Variants in NAP1L5 observed in about 807,000 individuals in gnomAD.
NAP1L5 encodes the protein nucleosome assembly protein 1 like 5, also known as nucleosome assembly protein 1-like 5.
For synonymous variants in NAP1L5, 125 were observed against 103.6 expected, an observed-to-expected ratio of 1.21 and a Z score of -1.25; for missense variants, 249 against 246.4, an observed-to-expected ratio of 1.01 and a Z score of -0.07.
Position 88,697,216 on chromosome 4 carries a change from G to A in NAP1L5, c.539C>T (p.Ala180Val). The part of the protein sequence containing the change: ...DDAHAEMPDD[A>V]KK The stretch of plus-strand genomic sequence containing the variant: ...CCATCTCTGCCCCCCTTACTTCTTG[G>A]CGTCATCAGGCATCTCGGCGTGGGC... Residue 180 changes from alanine to valine, a missense_variant, in exon 1 of 1, where the codon GCC becomes GTC. Ala to Val is a moderately conservative substitution (Grantham distance 64). Transcript: ENST00000323061. 2 of 1,515,018 alleles carry A rather than the reference G, an allele frequency of 1.3e-6. No individual in the cohort carries two copies. Among genetic ancestry groups the A allele is most frequent in the Non-Finnish European group, 1.8e-6 (2 of 1,134,820 alleles). 93.8% of individuals were successfully genotyped at this position (1,515,018 alleles called of 1,614,324 possible).
chr4:88,697,250 G>A lies in NAP1L5; in HGVS notation c.505C>T (p.His169Tyr). 1 of 1,556,416 alleles carries A rather than the reference G, an allele frequency of 6.4e-7. No individual in the cohort carries two copies. Among genetic ancestry groups the A allele is most frequent in the Non-Finnish European group, 8.7e-7 (1 of 1,154,848 alleles). The stretch of plus-strand genomic sequence containing the variant: ...GGCATCTCGGCGTGGGCATCGTCAT[G>A]TTTGGCCCCCGCGGCAGCCTCTGCC... ...AAAEAAAGAK[H>Y]DDAHAEMPDD... Residue 169 changes from histidine (H) to tyrosine (Y), a missense_variant, in exon 1 of 1, where the codon CAT becomes TAT. His to Tyr is a moderately conservative substitution (Grantham distance 83, BLOSUM62 2). Transcript: ENST00000323061.
Position 88,697,148 on chromosome 4 carries a change from A to G in NAP1L5, c.*58T>C, listed in dbSNP as rs1734678964. ...TTTTTAAGTCCATCGATATTCTGGG[A>G]AAAACAAAACCAGGCTTTTTTCTTC... is the stretch of plus-strand genomic sequence containing the variant. On this transcript the variant is annotated 3_prime_UTR_variant, in exon 1 of 1. Transcript: ENST00000323061. The G allele has an allele frequency of 6.9e-7, 1 of 1,448,712 alleles. No individual in the cohort carries two copies. The highest frequency in any genetic ancestry group is 2.5e-5 in the East Asian group (1 of 40,488). 89.7% of individuals were successfully genotyped at this position (1,448,712 alleles called of 1,614,324 possible).
Position 88,697,586 on chromosome 4 carries a change from TC to T in NAP1L5, c.168del (p.Thr57ProfsTer21), listed in dbSNP as rs1317070658. 1.9e-6 allele frequency: 3 copies of T among 1,613,324 alleles called. No individual in the cohort carries two copies. In the African/African-American group the frequency reaches 4.0e-5, roughly 22 times the overall value. ...GGCTTTGGGGCATTCTCTGCAGGGG[TC>T]TGGGGCTCCTCAGCCATCTGACCAG... Reference protein sequence around the residue: ...SAAGQMAEEPQTPAENAPKPK... With the variant: ...SAAGQMAEEPXTPAENAPKPK... On this transcript the variant is annotated frameshift_variant, in exon 1 of 1. Transcript: ENST00000323061. LOFTEE classifies it low-confidence loss of function (END_TRUNC).
In NAP1L5 at chr4:88,697,200, C is replaced by G. The variant is rs747961591; in HGVS notation, c.*6G>C. ...TGGGCTTTCTCTTCATCCATCTCTG[C>G]CCCCCTTACTTCTTGGCGTCATCAG... On this transcript the variant is annotated 3_prime_UTR_variant, in exon 1 of 1. Transcript: ENST00000323061. 2.0e-6 allele frequency: 3 copies of G among 1,507,888 alleles called. No individual in the cohort carries two copies. Among genetic ancestry groups the G allele is most frequent in the Admixed American group, 4.7e-5 (2 of 42,194 alleles). 93.4% of individuals were successfully genotyped at this position (1,507,888 alleles called of 1,614,324 possible). A position where few individuals can be genotyped will look rare whatever the true frequency, so the allele number is the denominator to read the frequency against.
chr4:88,697,477 T>G lies in NAP1L5; in HGVS notation c.278A>C (p.Lys93Thr). Reference sequence around the variant, plus strand: ...TTCCTTATCAAATTTGGCTTCTATCTTATCGCATCGCTTCTGCAGCTTTTT... The same window carrying G: ...TTCCTTATCAAATTTGGCTTCTATCGTATCGCATCGCTTCTGCAGCTTTTT... ...ALKKLQKRCD[K>T]IEAKFDKEFQ... Residue 93 changes from lysine (K) to threonine (T), a missense_variant, in exon 1 of 1, where the codon AAG (lysine) becomes ACG (threonine). Coordinates refer to ENST00000323061, the MANE Select transcript of NAP1L5 (RefSeq NM_153757.4). 1.2e-6 allele frequency: 2 copies of G among 1,614,194 alleles called. No homozygotes were observed. The highest frequency in any genetic ancestry group is 1.7e-6 in the Non-Finnish European group (2 of 1,180,042).
In NAP1L5 at chr4:88,697,672, G is replaced by T; in HGVS notation, c.83C>A (p.Ala28Glu). Residue 28 changes from alanine to glutamate, a missense_variant, in exon 1 of 1, where the codon GCG (alanine) becomes GAG (glutamate). Physicochemically the swap from Ala to Glu is moderately radical, Grantham distance 107. Coordinates refer to ENST00000323061, the MANE Select transcript of NAP1L5 (RefSeq NM_153757.4). ...AAEAAAEEVM[A>E]EGGAQGGDCD... is the part of the protein sequence containing the mutation. ...GTCTCCACCCTGCGCACCGCCTTCC[G>T]CCATTACCTCCTCTGCCGCTGCCTC... 6.2e-7 allele frequency: 1 copy of T among 1,612,840 alleles called. No homozygotes were observed. The highest frequency in any genetic ancestry group is 8.5e-7 in the Non-Finnish European group (1 of 1,179,906).
chr4:88,696,975 T>C lies in NAP1L5; in HGVS notation c.*231A>G. The C allele has an allele frequency of 2.3e-6, 1 of 435,964 alleles. No individual in the cohort carries two copies. Among genetic ancestry groups the C allele is most frequent in the Non-Finnish European group, 4.0e-6 (1 of 250,750 alleles). 27.0% of individuals were successfully genotyped at this position (435,964 alleles called of 1,614,324 possible). A position where few individuals can be genotyped will look rare whatever the true frequency, so the allele number is the denominator to read the frequency against. ...AAACATAATTTTGGGTTTAATTCAG[T>C]TTTCTTTAACACCTTTTGATATATT... On this transcript the variant is annotated 3_prime_UTR_variant, in exon 1 of 1. Transcript: ENST00000323061.
Position 88,697,607 on chromosome 4 carries a change from G to T in NAP1L5, c.148C>A (p.Gln50Lys). Residue 50 changes from glutamine to lysine, a missense_variant, in exon 1 of 1, where the codon CAG becomes AAG. Gln to Lys is a moderately conservative substitution (Grantham distance 53). Coordinates refer to ENST00000323061, the MANE Select transcript of NAP1L5 (RefSeq NM_153757.4). Reference protein sequence around the residue: ...AAGDPDSAAGQMAEEPQTPAE... With the variant: ...AAGDPDSAAGKMAEEPQTPAE... ...GGGGTCTGGGGCTCCTCAGCCATCTGACCAGCCGCGCTGTCAGGGTCACCA... is the reference window on the plus strand; with the variant it reads ...GGGGTCTGGGGCTCCTCAGCCATCTTACCAGCCGCGCTGTCAGGGTCACCA... 1 of 1,613,890 alleles carries T rather than the reference G, an allele frequency of 6.2e-7. No individual in the cohort carries two copies. Among genetic ancestry groups the T allele is most frequent in the South Asian group, 1.1e-5 (1 of 91,078 alleles).
Position 88,696,282 on chromosome 4 carries a change from C to T in NAP1L5, c.*924G>A, listed in dbSNP as rs1253407011. On this transcript the variant is annotated 3_prime_UTR_variant, in exon 1 of 1. Transcript: ENST00000323061. The stretch of plus-strand genomic sequence containing the variant: ...TTCAGTGAAGAGTTCTGATGATTTT[C>T]ACAGCTACACCCTAAAAGCTACATG... 6.6e-6 allele frequency: 1 copy of T among 152,586 alleles called. No individual in the cohort carries two copies. The highest frequency in any genetic ancestry group is 1.9e-4 in the East Asian group (1 of 5,194). The allele number at this position is 152,586 out of a possible 1,614,324, so 9.5% of individuals were successfully genotyped here. A position where few individuals can be genotyped will look rare whatever the true frequency, so the allele number is the denominator to read the frequency against.
Position 88,697,257 on chromosome 4 carries a change from C to G in NAP1L5, c.498G>C (p.Gly166=), listed in dbSNP as rs1191390012. ...CGGCGTGGGCATCGTCATGTTTGGCCCCCGCGGCAGCCTCTGCCGCAGCCT... is the reference window on the plus strand; with the variant it reads ...CGGCGTGGGCATCGTCATGTTTGGCGCCCGCGGCAGCCTCTGCCGCAGCCT... ...EEEAAAEAAA[G]AKHDDAHAEM... The change falls in exon 1 of 1, where the codon GGG becomes GGC. Residue 166 remains glycine (G), a synonymous_variant. Coordinates refer to ENST00000323061, the MANE Select transcript of NAP1L5 (RefSeq NM_153757.4). 1 of 1,560,710 alleles carries G rather than the reference C, an allele frequency of 6.4e-7. No homozygotes were observed. The highest frequency in any genetic ancestry group is 1.4e-5 in the African/African-American group (1 of 72,724).
rs2149338304 is a variant in NAP1L5 at position 88,696,388 on chromosome 4, C to T, written c.*818G>A. 1 of 152,690 alleles carries T rather than the reference C, an allele frequency of 6.5e-6. No homozygotes were observed. The highest frequency in any genetic ancestry group is 3.4e-3 in the Middle Eastern group (1 of 292). The allele number at this position is 152,690 out of a possible 1,614,324, so 9.5% of individuals were successfully genotyped here. The stretch of plus-strand genomic sequence containing the variant: ...TAATTTGCTACATTCTACATCTCTT[C>T]AAGTAAATTAATATTTCTAAAACGC... On this transcript the variant is annotated 3_prime_UTR_variant, in exon 1 of 1. Coordinates refer to ENST00000323061, the MANE Select transcript of NAP1L5 (RefSeq NM_153757.4).
chr4:88,697,251 T>C lies in NAP1L5; in HGVS notation c.504A>G (p.Lys168=). Residue 168 remains lysine, a synonymous_variant, in exon 1 of 1, where the codon AAA becomes AAG. Coordinates refer to ENST00000323061, the MANE Select transcript of NAP1L5 (RefSeq NM_153757.4). ...GCATCTCGGCGTGGGCATCGTCATG[T>C]TTGGCCCCCGCGGCAGCCTCTGCCG... The part of the protein sequence containing the change: ...EAAAEAAAGA[K]HDDAHAEMPD... 1 of 1,557,160 alleles carries C rather than the reference T, an allele frequency of 6.4e-7. No homozygotes were observed. The highest frequency in any genetic ancestry group is 8.7e-7 in the Non-Finnish European group (1 of 1,154,986).
Position 88,697,269 on chromosome 4 carries a change from C to T in NAP1L5, c.486G>A (p.Glu162=). The T allele has an allele frequency of 6.3e-7, 1 of 1,581,352 alleles. No individual in the cohort carries two copies. Among genetic ancestry groups the T allele is most frequent in the South Asian group, 1.2e-5 (1 of 85,368 alleles). Residue 162 remains glutamate (E), a synonymous_variant, in exon 1 of 1, where the codon GAG becomes GAA. Transcript: ENST00000323061. ...EDEEEEEAAA[E]AAAGAKHDDA... ...CGTCATGTTTGGCCCCCGCGGCAGCCTCTGCCGCAGCCTCCTCCTCCTCCT... is the reference window on the plus strand; with the variant it reads ...CGTCATGTTTGGCCCCCGCGGCAGCTTCTGCCGCAGCCTCCTCCTCCTCCT...
Position 88,697,828 on chromosome 4 carries a change from T to TTGCGGATGCGGCAAGTGGCGGTGACG in NAP1L5, c.-75_-74insCGTCACCGCCACTTGCCGCATCCGCA, listed in dbSNP as rs1734812858. On this transcript the variant is annotated 5_prime_UTR_variant, in exon 1 of 1. Transcript: ENST00000323061. Reference sequence around the variant, plus strand: ...GCACCCGAGCTGGTCCAGAGAGATCTTGCGGATGCGGCAAGTGGCGGTGAC... The same window carrying TTGCGGATGCGGCAAGTGGCGGTGACG: ...GCACCCGAGCTGGTCCAGAGAGATCTTGCGGATGCGGCAAGTGGCGGTGACGTGCGGATGCGGCAAGTGGCGGTGAC... 5.3e-6 allele frequency: 8 copies of TTGCGGATGCGGCAAGTGGCGGTGACG among 1,502,640 alleles called. No individual in the cohort carries two copies. The highest frequency in any genetic ancestry group is 1.3e-5 in the South Asian group (1 of 74,270). 93.1% of individuals were successfully genotyped at this position (1,502,640 alleles called of 1,614,324 possible). A position where few individuals can be genotyped will look rare whatever the true frequency, so the allele number is the denominator to read the frequency against.
rs546678654 is a variant in NAP1L5 at position 88,696,987 on chromosome 4, C to A, written c.*219G>T. 4.4e-6 allele frequency: 2 copies of A among 456,404 alleles called. No homozygotes were observed. The highest frequency in any genetic ancestry group is 3.8e-6 in the Non-Finnish European group (1 of 262,608). The allele number at this position is 456,404 out of a possible 1,614,324, so 28.3% of individuals were successfully genotyped here. A position where few individuals can be genotyped will look rare whatever the true frequency, so the allele number is the denominator to read the frequency against. ...GGGTTTAATTCAGTTTTCTTTAACACCTTTTGATATATTTATTATGTTCAA... is the reference window on the plus strand; with the variant it reads ...GGGTTTAATTCAGTTTTCTTTAACAACTTTTGATATATTTATTATGTTCAA... On this transcript the variant is annotated 3_prime_UTR_variant, in exon 1 of 1. Transcript: ENST00000323061.
rs114535469 is a variant in NAP1L5 at position 88,696,190 on chromosome 4, C to A, written c.*1016G>T. 1.3e-4 allele frequency: 20 copies of A among 152,728 alleles called. No homozygotes were observed. Among genetic ancestry groups the A allele is most frequent in the African/African-American group, 4.3e-4 (18 of 41,560 alleles). 9.5% of individuals were successfully genotyped at this position (152,728 alleles called of 1,614,324 possible). Reference sequence around the variant, plus strand: ...AAGCAAACTTAAACCCTTTCTACTTCTGAGCTGGGGGTAGGGGCACACACT... The same window carrying A: ...AAGCAAACTTAAACCCTTTCTACTTATGAGCTGGGGGTAGGGGCACACACT... On this transcript the variant is annotated 3_prime_UTR_variant, in exon 1 of 1. Transcript: ENST00000323061.
chr4:88,697,707 C>T lies in NAP1L5; in HGVS notation c.48G>A (p.Ala16=), dbSNP rs764926703. 2 of 1,611,942 alleles carry T rather than the reference C, an allele frequency of 1.2e-6. No individual in the cohort carries two copies. Among genetic ancestry groups the T allele is most frequent in the African/African-American group, 1.3e-5 (1 of 74,906 alleles). ...NQGPAEPSQA[A]AAAEAAAEEV... is the part of the protein sequence containing the mutation. ...CCTCTGCCGCTGCCTCCGCCGCTGC[C>T]GCCGCCTGGCTAGGCTCCGCAGGCC... Residue 16 remains alanine (A), a synonymous_variant, in exon 1 of 1, where the codon GCG becomes GCA. Transcript: ENST00000323061.
chr4:88,696,733 C>T lies in NAP1L5; in HGVS notation c.*473G>A, dbSNP rs1241657863. The stretch of plus-strand genomic sequence containing the variant: ...TGTCTGCGTTACAAAAGCAAAGTCT[C>T]AAAGATGACGTTTTTCTTGGGTTCT... On this transcript the variant is annotated 3_prime_UTR_variant, in exon 1 of 1. Coordinates refer to ENST00000323061, the MANE Select transcript of NAP1L5 (RefSeq NM_153757.4). The T allele has an allele frequency of 6.5e-6, 1 of 154,476 alleles. No homozygotes were observed. Among genetic ancestry groups the T allele is most frequent in the Non-Finnish European group, 1.4e-5 (1 of 69,382 alleles). 9.6% of individuals were successfully genotyped at this position (154,476 alleles called of 1,614,324 possible). A position where few individuals can be genotyped will look rare whatever the true frequency, so the allele number is the denominator to read the frequency against.
chr4:88,697,335 C>T lies in NAP1L5; in HGVS notation c.420G>A (p.Glu140=), dbSNP rs201095744. The part of the protein sequence containing the change: ...CAWTLEGEEE[E]EEEYEDDEEE... ...CCTCGTCATCCTCGTACTCCTCTTC[C>T]TCCTCCTCCTCCCCCTCCAAGGTCC... is the stretch of plus-strand genomic sequence containing the variant. The change falls in exon 1 of 1, where the codon GAG becomes GAA. Residue 140 remains glutamate (E), a synonymous_variant. Transcript: ENST00000323061. 8.7e-6 allele frequency: 14 copies of T among 1,605,220 alleles called. No individual in the cohort carries two copies. Among genetic ancestry groups the T allele is most frequent in the Non-Finnish European group, 6.8e-6 (8 of 1,174,798 alleles).
Sources: gnomAD v4.1 joint callset for allele counts on GRCh38, gnomAD v4.1.1 for gene constraint, MANE v1.5 for transcripts, NCBI Gene and HGNC (gene_info 2026-07-23, HGNC 2026-07-21) for gene names.